Variants in GRM7 observed in about 807,000 individuals in gnomAD.
GRM7 encodes glutamate metabotropic receptor 7, also known as metabotropic glutamate receptor 7.
In GRM7, 35 loss-of-function variants were observed where a neutral mutation model predicts 84.5. The observed-to-expected ratio is 0.41, with a 90% CI of 0.32 to 0.55. The LOEUF is 0.55. Ranked by LOEUF, GRM7 falls within the 20% of genes least tolerant of loss-of-function variation. The probability of loss-of-function intolerance (pLI) is 0.19; values close to 1 mark genes in which losing one functional copy is unlikely to be tolerated. For missense variants in GRM7, 1,003 were observed against 1,194.6 expected (o/e 0.84, Z 2.36); for synonymous variants, 487 against 455.1 (o/e 1.07, Z -0.89).
At chr3:7,609,091 A>G (rs1696728763) in intron 8 of GRM7, among the ~76,000 whole-genome samples, 1 of 152,134 alleles carries the variant, frequency 6.6e-6, no homozygotes, top group African/African-American at 2.4e-5. Context: ...TTTTTGTACC[A>G]GTATCATGCT....
chr3:7,058,054 T>C (rs1697293228), intron 1 of GRM7, among the ~76,000 whole-genome samples: 1 of 151,940 alleles, frequency 6.6e-6, no homozygotes, highest in Admixed American at 6.6e-5. Context: ...AATCTGTAAC[T>C]TTTATGTGTA....
intron 3 of GRM7, among the ~76,000 whole-genome samples, chr3:7,303,240 G>A (rs1700071908): frequency 6.6e-6 from 1 of 151,950 alleles, no homozygotes; most frequent in African/African-American, 2.4e-5. Context: ...GTGCCCAGCT[G>A]ATTATTCTAT....
At chr3:7,449,825 T>C (rs1697693070) in intron 5 of GRM7, among the ~76,000 whole-genome samples, 2 of 152,164 alleles carry the variant, frequency 1.3e-5, no homozygotes, top group Non-Finnish European at 1.5e-5. Context: ...GTGAGTCAAA[T>C]ATTTAACTTA....
At chr3:7,429,723 A>G (rs947316523) in intron 5 of GRM7, among the ~76,000 whole-genome samples, 1 of 152,174 alleles carries the variant, frequency 6.6e-6, no homozygotes, top group African/African-American at 2.4e-5. Flanking sequence ...AATTTGAACC[A>G]AAGTATTTTA....
At chr3:6,976,006 G>C (rs78689535) in intron 1 of GRM7, among the ~76,000 whole-genome samples, 2 of 152,098 alleles carry the variant, frequency 1.3e-5, no homozygotes, top group Non-Finnish European at 2.9e-5. Flanking sequence ...TTTTAAGATG[G>C]AGTGATTCTA....
chr3:7,729,847 A>G (rs1368781618), intron 9 of GRM7, among the ~76,000 whole-genome samples: 1 of 143,652 alleles, frequency 7.0e-6, no homozygotes, highest in East Asian at 2.1e-4. Flanking sequence ...CTGGGATTAC[A>G]GGTGCATGCC....
chr3:7,656,367 G>T (rs540265656), intron 8 of GRM7, among the ~76,000 whole-genome samples: 1 of 151,986 alleles, frequency 6.6e-6, no homozygotes, highest in East Asian at 1.9e-4. Flanking sequence ...ATGGTGGCGT[G>T]CACCTGTAGT....
At chr3:6,883,953 G>A (rs115202466) in intron 1 of GRM7, among the ~76,000 whole-genome samples, 362 of 152,280 alleles carry the variant, frequency 2.4e-3, no homozygotes, top group African/African-American at 8.3e-3. Flanking sequence ...AAGGTCTGGA[G>A]ACATGGAACT....
chr3:7,673,221 GA>G (rs1281028335), intron 8 of GRM7, among the ~76,000 whole-genome samples: 1 of 152,014 alleles, frequency 6.6e-6, no homozygotes, highest in Non-Finnish European at 1.5e-5. Flanking sequence ...CACACAAATA[GA>G]AAAAATGCTA....
intron 2 of GRM7, among the ~76,000 whole-genome samples, chr3:7,233,003 T>C (rs910736299): frequency 1.6e-4 from 25 of 152,200 alleles, no homozygotes; most frequent in African/African-American, 4.8e-4. Flanking sequence ...GACTTTTTAA[T>C]ATTTGCATGA....
chr3:7,488,245 A>G (rs184568579), intron 7 of GRM7, among the ~76,000 whole-genome samples: 4 of 152,278 alleles, frequency 2.6e-5, no homozygotes, highest in Admixed American at 1.3e-4. Context: ...ATGCTAGACC[A>G]TGTTAAGACT....
intron 2 of GRM7, among the ~76,000 whole-genome samples, chr3:7,215,402 C>T (rs1049280695): frequency 3.3e-5 from 5 of 152,182 alleles, no homozygotes; most frequent in Non-Finnish European, 5.9e-5. Flanking sequence ...CGGTGGATCA[C>T]GCCTGTAATC....
intron 1 of GRM7, among the ~76,000 whole-genome samples, chr3:6,961,151 A>G (rs1693282271): frequency 6.6e-6 from 1 of 152,144 alleles, no homozygotes; most frequent in African/African-American, 2.4e-5. Context: ...CTTTGGAAAT[A>G]TCCTATAACT....
At chr3:7,240,783 A>T (rs1008948728) in intron 2 of GRM7, among the ~76,000 whole-genome samples, 1 of 152,210 alleles carries the variant, frequency 6.6e-6, no homozygotes, top group Non-Finnish European at 1.5e-5. Flanking sequence ...CACATGCAGC[A>T]TAACAATGTT....
chr3:7,223,839 C>T (rs1458387681), intron 2 of GRM7, among the ~76,000 whole-genome samples: 1 of 152,204 alleles, frequency 6.6e-6, no homozygotes, highest in Non-Finnish European at 1.5e-5. Context: ...TTGCAGGCTG[C>T]TATGCAGAGG....
intron 2 of GRM7, among the ~76,000 whole-genome samples, chr3:7,165,601 G>A (rs1694775134): frequency 6.6e-6 from 1 of 152,120 alleles, no homozygotes; most frequent in Non-Finnish European, 1.5e-5. Flanking sequence ...TTCCAATAGG[G>A]TACACTTAGC....
At chr3:6,880,253 C>T (rs1695460442) in intron 1 of GRM7, among the ~76,000 whole-genome samples, 1 of 152,104 alleles carries the variant, frequency 6.6e-6, no homozygotes, top group African/African-American at 2.4e-5. Flanking sequence ...ATGCATTTTA[C>T]CTTGAATAGT....
At chr3:7,403,242 G>C in intron 4 of GRM7, 1 of 378,448 alleles carries the variant, frequency 2.6e-6, no homozygotes, top group South Asian at 2.1e-5. Flanking sequence ...TATTCTGTAA[G>C]ATTATGATTC....
intron 8 of GRM7, among the ~76,000 whole-genome samples, chr3:7,601,157 A>G (rs1696293381): frequency 1.3e-5 from 2 of 152,140 alleles, no homozygotes. Flanking sequence ...TGATCTTGTT[A>G]TTTAAGGCAT....
Sources: gnomAD v4.1 joint callset for allele counts (sites outside exome capture counted in the v4.1 genomes callset) on GRCh38, gnomAD v4.1.1 for gene constraint, MANE v1.5 for transcripts, NCBI Gene and HGNC (gene_info 2026-07-23, HGNC 2026-07-21) for gene names.